Variants in COG6 observed in about 807,000 individuals in gnomAD.
The protein encoded by COG6 is conserved oligomeric Golgi complex subunit 6.
COG6 carries 74 observed loss-of-function variants against 88.8 expected under a neutral mutation model. The ratio of observed to expected loss-of-function variants is 0.83; its 90% CI spans 0.69 to 1.01. COG6 has a LOEUF of 1.01. Ranked by LOEUF, COG6 falls within the 50% of genes least tolerant of loss-of-function variation. The pLI is 0.00. For missense variants in COG6, 800 were observed against 797.9 expected, an observed-to-expected ratio of 1.00 and a Z score of -0.03; for synonymous variants, 286 against 278.7, an observed-to-expected ratio of 1.03 and a Z score of -0.26.
At chr13:39,687,411 A>G in intron 8 of COG6, 92 bp from the exon 9 acceptor site, 1 of 1,163,138 alleles carries the variant, frequency 8.6e-7, no homozygotes, top group Non-Finnish European at 1.3e-6. Context: ...AGTGCTTTTT[A>G]AGTACTTGGT....
At chr13:39,706,215 T>TTA (rs141224881) in intron 13 of COG6, among the ~76,000 whole-genome samples, 115,106 of 126,542 alleles carry the variant, frequency 0.91, 52,464 homozygotes, top group Middle Eastern at 0.96. Flanking sequence ...ATATACTCCT[T>TTA]TATATATATA....
chr13:39,701,095 T>G (rs534697603), intron 13 of COG6, among the ~76,000 whole-genome samples: 1 of 151,898 alleles, frequency 6.6e-6, no homozygotes, highest in East Asian at 1.9e-4. Flanking sequence ...TGAAACTGTT[T>G]TTATTCATAC....
At position 39,658,443 on chromosome 13, in the gene COG6, T is replaced by C. The variant is rs73179512; in HGVS notation, c.154-921T>C. On this transcript the variant is annotated intron_variant, in intron 1 of 18. Transcript: ENST00000455146. Reference sequence around the variant, plus strand: ...CAGGTGTAAGCCACCGTGCCATATTTTGGAATATCTCTTTTTCATTTGTAC... The same window carrying C: ...CAGGTGTAAGCCACCGTGCCATATTCTGGAATATCTCTTTTTCATTTGTAC... 4.6e-3 allele frequency among the ~76,000 whole-genome samples: 706 copies of C among 152,180 alleles called. 7 individuals carry two copies. The highest frequency in any genetic ancestry group is 7.1e-3 in the South Asian group (34 of 4,818).
chr13:39,723,189 A>G (rs2138082985), intron 15 of COG6, 144 bp from the exon 16 acceptor site: 1 of 633,484 alleles, frequency 1.6e-6, no homozygotes, highest in Middle Eastern at 4.3e-4. Flanking sequence ...CCTTTCATAG[A>G]AAGACTTACT....
chr13:39,690,157 A>G (rs1297615918), intron 11 of COG6, among the ~76,000 whole-genome samples: 1 of 151,970 alleles, frequency 6.6e-6, no homozygotes, highest in South Asian at 2.1e-4. Flanking sequence ...TACTAAGAAT[A>G]TTTTGTTTAC....
chr13:39,782,932 A>G (rs1256792942), intron 18 of COG6, among the ~76,000 whole-genome samples: 1 of 152,196 alleles, frequency 6.6e-6, no homozygotes, highest in Non-Finnish European at 1.5e-5. Context: ...GGTGCTGCGA[A>G]TGTCCTGTTC....
intron 4 of COG6, among the ~76,000 whole-genome samples, chr13:39,665,483 C>T (rs2137956781): frequency 6.6e-6 from 1 of 151,902 alleles, no homozygotes; most frequent in South Asian, 2.1e-4. Flanking sequence ...TTTTCACAAT[C>T]ATTGTCTTTT....
chr13:39,723,392 A>T lies in COG6; in HGVS notation c.1644A>T (p.Val548=). Residue 548 remains valine, a synonymous_variant, in exon 16 of 19, where the codon GTA becomes GTT. Coordinates refer to ENST00000455146, the MANE Select transcript of COG6 (RefSeq NM_020751.3). ...AAGCCTCTTATGTTTTAACTAGGGT[A>T]GGCTTGAGTTACATCTATAACACTG... ...NEQASYVLTR[V]GLSYIYNTVQ... 1 of 1,611,552 alleles carries T rather than the reference A, an allele frequency of 6.2e-7. No individual in the cohort carries two copies. The highest frequency in any genetic ancestry group is 1.7e-5 in the Admixed American group (1 of 59,914).
chr13:39,716,059 G>A (rs558047519), intron 13 of COG6, among the ~76,000 whole-genome samples: 1 of 151,926 alleles, frequency 6.6e-6, no homozygotes, highest in South Asian at 2.1e-4. Context: ...TCTAATGAAA[G>A]AAAAGGAGAC....
intron 18 of COG6, among the ~76,000 whole-genome samples, chr13:39,773,275 A>G (rs994619311): frequency 2.6e-5 from 4 of 152,366 alleles, no homozygotes; most frequent in African/African-American, 9.6e-5. Flanking sequence ...TTAGGCCTAA[A>G]TGGAAGCCAC....
chr13:39,740,503 G>A (rs986080910), intron 18 of COG6, among the ~76,000 whole-genome samples: 5 of 152,164 alleles, frequency 3.3e-5, no homozygotes, highest in African/African-American at 1.2e-4. Context: ...AAATTTGTAA[G>A]AAGTAGAGCC....
chr13:39,781,447 T>G (rs9315733), intron 18 of COG6, among the ~76,000 whole-genome samples: 3,424 of 151,968 alleles, frequency 0.023, 156 homozygotes, highest in African/African-American at 0.078. Context: ...GAGGGTTTTT[T>G]TTTTTTTTTT....
In COG6 at chr13:39,695,482, T is replaced by C. The variant is rs181703992; in HGVS notation, c.1166+757T>C. On this transcript the variant is annotated intron_variant, in intron 12 of 18. Transcript: ENST00000455146. ...ATAGTTTTTGTATTTTTCCATTAAA[T>C]AATTATTTAAAAGTTATTTGTTATG... 1.2e-3 allele frequency among the ~76,000 whole-genome samples: 185 copies of C among 152,024 alleles called. 1 individual carries two copies. The highest frequency in any genetic ancestry group is 4.2e-3 in the African/African-American group (174 of 41,528).
intron 18 of COG6, among the ~76,000 whole-genome samples, chr13:39,735,002 T>C (rs573607234): frequency 1.3e-5 from 2 of 152,224 alleles, no homozygotes; most frequent in South Asian, 2.1e-4. Context: ...CTTTTGTAGA[T>C]GAAGTATTTT....
intron 8 of COG6, among the ~76,000 whole-genome samples, chr13:39,685,341 A>T (rs765497546): frequency 2.0e-5 from 3 of 152,158 alleles, no homozygotes; most frequent in Non-Finnish European, 4.4e-5. Flanking sequence ...ATGTCTAAAG[A>T]TATTGAAGGT....
exon 19 of COG6, chr13:39,789,065 A>T (rs1881860974): frequency 6.6e-6 from 1 of 152,238 alleles, no homozygotes. Context: ...TCTCTTCCCC[A>T]TAGGCAATCC....
chr13:39,760,209 T>C (rs1178399279), intron 18 of COG6, among the ~76,000 whole-genome samples: 2 of 152,128 alleles, frequency 1.3e-5, no homozygotes. Context: ...TATATAAGTC[T>C]AATTTTCGGG....
intron 18 of COG6, among the ~76,000 whole-genome samples, chr13:39,744,383 G>A (rs190701154): frequency 9.2e-5 from 14 of 152,238 alleles, no homozygotes; most frequent in African/African-American, 2.4e-4. Flanking sequence ...ATCTCCTTAC[G>A]CTGACAAGCA....
intron 18 of COG6, among the ~76,000 whole-genome samples, chr13:39,768,061 T>G (rs966302300): frequency 6.6e-6 from 1 of 152,202 alleles, no homozygotes; most frequent in African/African-American, 2.4e-5. Flanking sequence ...CCAGGCACTC[T>G]CAGATCTTAC....
Sources: gnomAD v4.1 joint callset for allele counts (sites outside exome capture counted in the v4.1 genomes callset) on GRCh38, gnomAD v4.1.1 for gene constraint, MANE v1.5 for transcripts, NCBI Gene and HGNC (gene_info 2026-07-23, HGNC 2026-07-21) for gene names.